VPS13D: variants seen among roughly 807,000 people sequenced by gnomAD.
The protein encoded by VPS13D is vacuolar protein sorting 13 homolog D.
In VPS13D, 187 loss-of-function variants were observed where a neutral mutation model predicts 461.9. The ratio of observed to expected loss-of-function variants is 0.40; its 90% CI spans 0.36 to 0.46. VPS13D has a LOEUF of 0.46. Among genes scored for constraint, VPS13D ranks in the 20% least tolerant of loss-of-function variants. The probability of loss-of-function intolerance (pLI) is 0.60; values close to 1 mark genes in which losing one functional copy is unlikely to be tolerated. For missense variants in VPS13D, 4,711 were observed against 5,364.9 expected (o/e 0.88, Z 3.81); for synonymous variants, 1,951 against 1,986.3 (o/e 0.98, Z 0.47).
intron 25 of VPS13D, 60 bp from the exon 26 acceptor site, chr1:12,304,446 A>G: frequency 2.0e-6 from 3 of 1,475,820 alleles, no homozygotes; most frequent in Non-Finnish European, 2.8e-6. Context: ...ATAGAGTCCC[A>G]CCACCAGTGC....
intron 13 of VPS13D, among the ~76,000 whole-genome samples, 170 bp downstream of exon 13, chr1:12,262,250 C>T (rs925582200): frequency 2.6e-5 from 4 of 152,110 alleles, no homozygotes; most frequent in Non-Finnish European, 4.4e-5. Flanking sequence ...TTCATGTGAA[C>T]CTCTGGTCAT....
At chr1:12,368,739 GAAATCCTTACCATT>G in intron 53 of VPS13D, 148 bp downstream of exon 53, 1 of 1,033,986 alleles carries the variant, frequency 9.7e-7, no homozygotes, top group East Asian at 2.8e-5. Flanking sequence ...GACAAGCCTA[GAAATCCTTACCATT>G]AAGAGGTGTT....
intron 67 of VPS13D, among the ~76,000 whole-genome samples, chr1:12,461,638 C>T (rs1297268055): frequency 6.6e-6 from 1 of 152,146 alleles, no homozygotes; most frequent in Non-Finnish European, 1.5e-5. Flanking sequence ...AAGAAGTCCA[C>T]CTCCAGTATT....
Position 12,373,095 on chromosome 1 carries a change from G to GTTTTT in VPS13D, c.10809-632_10809-628dup, listed in dbSNP as rs571503565. Among the ~76,000 whole-genome samples the GTTTTT allele has an allele frequency of 1.2e-3, 46 of 37,170 alleles. 2 individuals are homozygous for GTTTTT. The highest frequency in any genetic ancestry group is 4.8e-3 in the South Asian group (4 of 836). The allele number at this position is 37,170 out of a possible 152,430, so 24.4% of individuals were successfully genotyped here. On this transcript the variant is annotated intron_variant, in intron 54 of 69. Coordinates refer to ENST00000620676, the MANE Select transcript of VPS13D (RefSeq NM_015378.4). Reference sequence around the variant, plus strand: ...TTGGTCCCTTGAATTGTCTGGCTTGGTTTTTTTTTTTTTTTTTTTTTTTTT... The same window carrying GTTTTT: ...TTGGTCCCTTGAATTGTCTGGCTTGGTTTTTTTTTTTTTTTTTTTTTTTTTTTTTT...
intron 54 of VPS13D, among the ~76,000 whole-genome samples, chr1:12,373,208 C>T (rs951511142): frequency 1.7e-4 from 26 of 148,632 alleles, no homozygotes; most frequent in African/African-American, 6.2e-4. Flanking sequence ...GCAACCTCTG[C>T]CTCTCAGGTT....
intron 6 of VPS13D, among the ~76,000 whole-genome samples, chr1:12,252,326 A>G (rs1052830091): frequency 6.6e-6 from 1 of 152,092 alleles, no homozygotes; most frequent in African/African-American, 2.4e-5. Flanking sequence ...ATTCATCCAC[A>G]TGTACCAATA....
chr1:12,366,016 G>A (rs1202204262), intron 52 of VPS13D, among the ~76,000 whole-genome samples: 1 of 151,590 alleles, frequency 6.6e-6, no homozygotes, highest in Non-Finnish European at 1.5e-5. Flanking sequence ...TGACCCTCCT[G>A]CCTACTGAGT....
Position 12,383,127 on chromosome 1 carries a change from TC to T in VPS13D, c.11345del (p.Pro3782GlnfsTer10). On this transcript the variant is annotated frameshift_variant, in exon 58 of 70. Transcript: ENST00000620676. LOFTEE classifies it high-confidence loss of function. ...PGSGMLSIRV[I>X]PDGPTRALQI... ...TCTGGAATGTTATCCATCAGAGTCA[TC>T]CCAGATGGACCAACTAGAGCACTCC... is the stretch of plus-strand genomic sequence containing the variant. 6.2e-7 allele frequency: 1 copy of T among 1,614,048 alleles called. No individual in the cohort carries two copies. The highest frequency in any genetic ancestry group is 8.5e-7 in the Non-Finnish European group (1 of 1,179,976).
chr1:12,491,874 G>T (rs1645886692), intron 67 of VPS13D, among the ~76,000 whole-genome samples: 1 of 152,210 alleles, frequency 6.6e-6, no homozygotes, highest in Non-Finnish European at 1.5e-5. Context: ...AGCAGCTGAG[G>T]GCTTAACATG....
At chr1:12,336,670 T>C (rs940106327) in intron 39 of VPS13D, 2 of 152,238 alleles carry the variant, frequency 1.3e-5, no homozygotes, top group East Asian at 1.9e-4. Context: ...GGTGAATAAG[T>C]GGACTTTCTG....
chr1:12,410,870 T>C (rs574493049), intron 63 of VPS13D, among the ~76,000 whole-genome samples: 2 of 152,348 alleles, frequency 1.3e-5, no homozygotes, highest in South Asian at 4.1e-4. Flanking sequence ...AAATAGAATA[T>C]GATTATTTAA....
At position 12,277,492 on chromosome 1, in the gene VPS13D, G is replaced by A; in HGVS notation, c.3904G>A (p.Glu1302Lys). 1 of 1,614,140 alleles carries A rather than the reference G, an allele frequency of 6.2e-7. No homozygotes were observed. Among genetic ancestry groups the A allele is most frequent in the South Asian group, 1.1e-5 (1 of 91,080 alleles). ...HYNHSAKFLK[E>K]LTLSMDELEE... Reference sequence around the variant, plus strand: ...TAACCACTCTGCTAAGTTTTTGAAGGAGTTGACGTTATCCATGGATGAACT... The same window carrying A: ...TAACCACTCTGCTAAGTTTTTGAAGAAGTTGACGTTATCCATGGATGAACT... Residue 1302 changes from glutamate to lysine, a missense_variant, in exon 19 of 70, where the codon GAG becomes AAG. Coordinates refer to ENST00000620676, the MANE Select transcript of VPS13D (RefSeq NM_015378.4).
intron 68 of VPS13D, among the ~76,000 whole-genome samples, chr1:12,504,750 G>A (rs1646081913): frequency 6.6e-6 from 1 of 152,210 alleles, no homozygotes; most frequent in African/African-American, 2.4e-5. Flanking sequence ...CTGGCCTGAT[G>A]GAGGACTTGA....
In VPS13D at chr1:12,493,391, G is replaced by C. The variant is rs974168383; in HGVS notation, c.12663-4109G>C. Among the ~76,000 whole-genome samples the C allele has an allele frequency of 1.2e-4, 18 of 151,184 alleles. No individual in the cohort carries two copies. In the East Asian group the frequency reaches 2.9e-3, roughly 25 times the overall value. On this transcript the variant is annotated intron_variant, in intron 67 of 69. Coordinates refer to ENST00000620676, the MANE Select transcript of VPS13D (RefSeq NM_015378.4). ...CCAGCTACTCGGGAGGCTGAGGCAGGAGAATGGCATGAACCTGGGAGGCAG... is the reference window on the plus strand; with the variant it reads ...CCAGCTACTCGGGAGGCTGAGGCAGCAGAATGGCATGAACCTGGGAGGCAG...
At chr1:12,362,643 A>G in intron 50 of VPS13D, 77 bp from the exon 51 acceptor site, 1 of 1,373,056 alleles carries the variant, frequency 7.3e-7, no homozygotes, top group South Asian at 1.3e-5. Context: ...GTAACTGTGA[A>G]GGTTATTTAT....
At chr1:12,267,980 G>C in intron 15 of VPS13D, 60 bp downstream of exon 15, 1 of 1,431,986 alleles carries the variant, frequency 7.0e-7, no homozygotes, top group Non-Finnish European at 9.6e-7. Flanking sequence ...ATTTTTCTTT[G>C]AGACAGGGCC....
chr1:12,290,669 C>G (rs554986549), intron 22 of VPS13D, among the ~76,000 whole-genome samples: 13 of 151,544 alleles, frequency 8.6e-5, no homozygotes, highest in African/African-American at 1.9e-4. Context: ...CTTGCAGTGA[C>G]CCCAGATCGC....
intron 9 of VPS13D, among the ~76,000 whole-genome samples, chr1:12,257,460 TC>T (rs1266396524): frequency 1.3e-5 from 2 of 152,242 alleles, no homozygotes; most frequent in African/African-American, 4.8e-5. Context: ...TACATAGTAC[TC>T]TTTGCAGCCT....
At chr1:12,248,772 G>A (rs527809339) in intron 5 of VPS13D, among the ~76,000 whole-genome samples, 7 of 152,270 alleles carry the variant, frequency 4.6e-5, no homozygotes, top group Admixed American at 3.3e-4. Flanking sequence ...GTCCAGATGT[G>A]GGGACATAGA....
Sources: allele counts gnomAD v4.1 joint callset (sites outside exome capture counted in the v4.1 genomes callset), GRCh38; gene constraint gnomAD v4.1.1; transcripts MANE v1.5; gene names NCBI Gene and HGNC (gene_info 2026-07-23, HGNC 2026-07-21).